Variants in EYA1 observed in about 807,000 individuals in gnomAD.
The protein encoded by EYA1 is protein phosphatase EYA1.
A neutral mutation model predicts 82.0 loss-of-function variants in EYA1; 16 were observed. The observed-to-expected ratio is 0.20, with a 90% CI of 0.13 to 0.30. The LOEUF is 0.30. Among genes scored for constraint, EYA1 ranks in the 10% least tolerant of loss-of-function variants. The probability of loss-of-function intolerance (pLI) is 1.00; values close to 1 mark genes in which losing one functional copy is unlikely to be tolerated. For synonymous variants in EYA1, 261 were observed against 264.4 expected, an observed-to-expected ratio of 0.99 and a Z score of 0.12; for missense variants, 633 against 730.7, an observed-to-expected ratio of 0.87 and a Z score of 1.54.
chr8:71,346,440 A>ATATATATATATATATC (rs1351701686), intron 3 of EYA1, among the ~76,000 whole-genome samples: 9 of 141,174 alleles, frequency 6.4e-5, no homozygotes, highest in African/African-American at 2.4e-4. Flanking sequence ...GAATATATAT[A>ATATATATATATATATC]TATATATATA....
intron 2 of EYA1, among the ~76,000 whole-genome samples, chr8:71,510,574 C>A (rs1375312374): frequency 6.6e-6 from 1 of 152,094 alleles, no homozygotes; most frequent in Non-Finnish European, 1.5e-5. Context: ...AGGAGAAAGC[C>A]CCTTATAAAA....
intron 15 of EYA1, 25 bp from the exon 16 acceptor site, chr8:71,215,533 G>A: frequency 2.5e-6 from 4 of 1,612,364 alleles, no homozygotes; most frequent in Non-Finnish European, 3.4e-6. Flanking sequence ...AGAAAACAAA[G>A]ACTGTTGAAA....
At chr8:71,430,408 T>C (rs1342087374) in intron 2 of EYA1, among the ~76,000 whole-genome samples, 2 of 152,198 alleles carry the variant, frequency 1.3e-5, no homozygotes, top group Non-Finnish European at 2.9e-5. Context: ...ATCTGTTCGC[T>C]ATACTTGAGT....
intron 2 of EYA1, among the ~76,000 whole-genome samples, chr8:71,504,174 C>T (rs115940063): frequency 0.01 from 1,554 of 151,848 alleles, 21 homozygotes; most frequent in African/African-American, 0.035. Flanking sequence ...ACTATAATTA[C>T]AAAAAAATTT....
At chr8:71,516,609 C>G (rs1563694300) in intron 2 of EYA1, among the ~76,000 whole-genome samples, 2 of 152,056 alleles carry the variant, frequency 1.3e-5, no homozygotes, top group Admixed American at 6.6e-5. Flanking sequence ...ACAGTATGGC[C>G]AAAAATACAG....
chr8:71,228,020 T>G (rs1203004916), intron 12 of EYA1, among the ~76,000 whole-genome samples: 2 of 152,166 alleles, frequency 1.3e-5, no homozygotes, highest in Non-Finnish European at 2.9e-5. Context: ...GTTAATAAGT[T>G]AATAAAGATT....
At chr8:71,485,467 T>G (rs1250859524) in intron 2 of EYA1, among the ~76,000 whole-genome samples, 1 of 152,128 alleles carries the variant, frequency 6.6e-6, no homozygotes, top group East Asian at 1.9e-4. Flanking sequence ...CAGTCCCATA[T>G]CCTCTTCATT....
intron 9 of EYA1, among the ~76,000 whole-genome samples, chr8:71,286,399 C>G (rs62506569): frequency 0.048 from 7,272 of 152,256 alleles, 230 homozygotes; most frequent in Non-Finnish European, 0.077. Flanking sequence ...AGTGCAGAAC[C>G]CTGGAATCAG....
chr8:71,361,073 C>T (rs867910806), intron 1 of EYA1, among the ~76,000 whole-genome samples: 6 of 152,292 alleles, frequency 3.9e-5, no homozygotes, highest in Middle Eastern at 6.8e-3. Flanking sequence ...TTTGTTATAT[C>T]ACCTTCTGAA....
At chr8:71,536,921 C>T (rs1814753907) in intron 1 of EYA1, among the ~76,000 whole-genome samples, 1 of 152,154 alleles carries the variant, frequency 6.6e-6, no homozygotes, top group Non-Finnish European at 1.5e-5. Context: ...AACCTTAGTA[C>T]TCTAATCTGG....
At chr8:71,219,445 AAAAT>A (rs1268202051) in intron 12 of EYA1, among the ~76,000 whole-genome samples, 1 of 152,216 alleles carries the variant, frequency 6.6e-6, no homozygotes, top group African/African-American at 2.4e-5. Context: ...AAAAATCATT[AAAAT>A]GTCTATGTAA....
intron 2 of EYA1, among the ~76,000 whole-genome samples, chr8:71,424,890 C>A (rs1448591135): frequency 6.6e-6 from 1 of 151,970 alleles, no homozygotes; most frequent in Non-Finnish European, 1.5e-5. Flanking sequence ...CACCAGATCT[C>A]TTCAAGAAAA....
At chr8:71,231,277 G>A (rs904229574) in intron 12 of EYA1, among the ~76,000 whole-genome samples, 5 of 152,188 alleles carry the variant, frequency 3.3e-5, no homozygotes, top group African/African-American at 1.2e-4. Context: ...AGTGCTATAA[G>A]TTCTTTACTG....
chr8:71,244,730 T>A, intron 11 of EYA1, 38 bp from the exon 12 acceptor site: 2 of 1,214,798 alleles, frequency 1.6e-6, no homozygotes, highest in Non-Finnish European at 2.4e-6. Flanking sequence ...ACATGTATAC[T>A]TCAGGTTACA....
chr8:71,361,895 A>G lies in EYA1; in HGVS notation c.-303T>C. 1.0e-6 allele frequency: 1 copy of G among 985,484 alleles called. No individual in the cohort carries two copies. Among genetic ancestry groups the G allele is most frequent in the Non-Finnish European group, 1.2e-6 (1 of 829,970 alleles). The allele number at this position is 985,484 out of a possible 1,614,324, so 61.0% of individuals were successfully genotyped here. On this transcript the variant is annotated 5_prime_UTR_variant, in exon 1 of 18. Coordinates refer to ENST00000340726, the MANE Select transcript of EYA1 (RefSeq NM_000503.6). ...GCGACTGAGCGAAAACGTGTTCCCC[A>G]GGAAGAAACCCGCCACAGTGGACGG...
At chr8:71,473,353 C>CAA (rs35494054) in intron 2 of EYA1, among the ~76,000 whole-genome samples, 4 of 86,622 alleles carry the variant, frequency 4.6e-5, no homozygotes, top group Non-Finnish European at 1.2e-4. Context: ...AACAAATTTA[C>CAA]AAAAAAAAAA....
chr8:71,366,416 C>T (rs1413003834), upstream of EYA1, among the ~76,000 whole-genome samples: 2 of 152,152 alleles, frequency 1.3e-5, no homozygotes, highest in African/African-American at 2.4e-5. Flanking sequence ...ATTTTGCTTT[C>T]TCGCGCTGTG....
intron 2 of EYA1, among the ~76,000 whole-genome samples, chr8:71,453,539 G>A (rs1307858189): frequency 2.6e-5 from 4 of 152,288 alleles, no homozygotes; most frequent in South Asian, 2.1e-4. Context: ...GATTACCCAC[G>A]AAGGGAAGCC....
At chr8:71,240,542 C>A (rs1245842837) in intron 12 of EYA1, among the ~76,000 whole-genome samples, 3 of 152,076 alleles carry the variant, frequency 2.0e-5, no homozygotes, top group African/African-American at 7.2e-5. Context: ...GAGGAGGGTT[C>A]CCACTCTTCC....
Sources: gnomAD v4.1 joint callset for allele counts (sites outside exome capture counted in the v4.1 genomes callset) on GRCh38, gnomAD v4.1.1 for gene constraint, MANE v1.5 for transcripts, NCBI Gene and HGNC (gene_info 2026-07-23, HGNC 2026-07-21) for gene names.